The following TLK1 variants were observed in gnomAD, a reference collection of about 807,000 sequenced individuals.
The protein encoded by TLK1 is tousled like kinase 1, also known as serine/threonine-protein kinase tousled-like 1.
A neutral mutation model predicts 105.3 loss-of-function variants in TLK1; 24 were observed. The observed-to-expected ratio is 0.23, with a 90% CI of 0.17 to 0.32. The LOEUF (loss-of-function observed/expected upper bound fraction) is 0.32. Among genes scored for constraint, TLK1 ranks in the 10% least tolerant of loss-of-function variants. The probability of loss-of-function intolerance (pLI) is 1.00; values close to 1 mark genes in which losing one functional copy is unlikely to be tolerated. For missense variants in TLK1, 558 were observed against 910.5 expected (o/e 0.61, Z 4.98); for synonymous variants, 321 against 310.4 (o/e 1.03, Z -0.36).
At chr2:171,015,410 G>A (rs1295900075) in intron 12 of TLK1, among the ~76,000 whole-genome samples, 1 of 124,308 alleles carries the variant, frequency 8.0e-6, no homozygotes, top group Non-Finnish European at 1.6e-5. Flanking sequence ...AGCATTTGGA[G>A]TACAAACACA....
At chr2:171,046,424 G>A in intron 10 of TLK1, 62 bp from the exon 11 acceptor site, 4 of 1,452,732 alleles carry the variant, frequency 2.8e-6, no homozygotes, top group Non-Finnish European at 2.7e-6. Flanking sequence ...GGCTAAACTT[G>A]GAAAAAATGC....
intron 2 of TLK1, among the ~76,000 whole-genome samples, chr2:171,105,894 A>G (rs1689903604): frequency 1.3e-5 from 2 of 152,188 alleles, no homozygotes; most frequent in Middle Eastern, 3.2e-3. Context: ...TGCTGAAGAG[A>G]TATCTGCATT....
intron 12 of TLK1, among the ~76,000 whole-genome samples, chr2:171,018,760 A>C (rs949897170): frequency 9.2e-5 from 14 of 152,230 alleles, no homozygotes; most frequent in African/African-American, 3.4e-4. Flanking sequence ...CTAGCTGAGC[A>C]GTTAATGAAA....
intron 3 of TLK1, 105 bp downstream of exon 3, chr2:171,082,676 G>C (rs947061753): frequency 1.1e-5 from 10 of 910,652 alleles, no homozygotes; most frequent in Non-Finnish European, 1.4e-5. Context: ...AACTTTAAAA[G>C]CATTAACCTT....
At chr2:171,196,098 A>G (rs1693269819) in intron 1 of TLK1, among the ~76,000 whole-genome samples, 1 of 147,018 alleles carries the variant, frequency 6.8e-6, no homozygotes. Context: ...GAAGGAAGGA[A>G]GGAAGGGAGG....
intron 1 of TLK1, among the ~76,000 whole-genome samples, chr2:171,209,550 A>T (rs1018120247): frequency 1.3e-5 from 2 of 152,222 alleles, no homozygotes; most frequent in Non-Finnish European, 2.9e-5. Context: ...TAGTTTACAA[A>T]ATCTGACGCA....
intron 18 of TLK1, among the ~76,000 whole-genome samples, chr2:171,002,760 TGTGTAGCTGG>T (rs1684443910): frequency 6.6e-6 from 1 of 152,078 alleles, no homozygotes. Flanking sequence ...CTCAGCCTCC[TGTGTAGCTGG>T]GATTACAGGT....
chr2:171,154,165 G>A (rs557046379), intron 1 of TLK1, among the ~76,000 whole-genome samples: 2 of 151,880 alleles, frequency 1.3e-5, no homozygotes, highest in South Asian at 4.2e-4. Context: ...GGGATTACAG[G>A]CCTGAGACAT....
intron 2 of TLK1, chr2:171,091,785 C>T (rs542457734): frequency 1.3e-5 from 2 of 152,312 alleles, no homozygotes; most frequent in East Asian, 1.9e-4. Flanking sequence ...CACTCTGTCT[C>T]CCAGGCTGGA....
intron 1 of TLK1, among the ~76,000 whole-genome samples, chr2:171,226,768 T>C (rs184040465): frequency 2.4e-4 from 37 of 152,322 alleles, no homozygotes; most frequent in Non-Finnish European, 2.1e-4. Flanking sequence ...TCCTTTGTTA[T>C]AATAGGATGG....
intron 8 of TLK1, 21 bp downstream of exon 8, chr2:171,053,740 C>A: frequency 6.5e-7 from 1 of 1,530,076 alleles, no homozygotes; most frequent in South Asian, 1.2e-5. Flanking sequence ...ATTTTTTTCC[C>A]CTCTATGACT....
At chr2:171,104,641 T>C (rs1358404526) in intron 2 of TLK1, among the ~76,000 whole-genome samples, 6 of 152,172 alleles carry the variant, frequency 3.9e-5, no homozygotes, top group Admixed American at 1.3e-4. Flanking sequence ...ATCACACTAC[T>C]GGACTTCAAA....
intron 2 of TLK1, among the ~76,000 whole-genome samples, chr2:171,085,631 A>G (rs1688940364): frequency 6.6e-6 from 1 of 152,174 alleles, no homozygotes; most frequent in South Asian, 2.1e-4. Context: ...TATTCAGTAA[A>G]ATCCATTTTA....
chr2:170,999,953 G>A (rs923654868), intron 18 of TLK1, among the ~76,000 whole-genome samples: 1 of 151,964 alleles, frequency 6.6e-6, no homozygotes, highest in Non-Finnish European at 1.5e-5. Flanking sequence ...TACAGACAGG[G>A]TCTTGCTATG....
intron 11 of TLK1, among the ~76,000 whole-genome samples, chr2:171,043,592 T>G (rs140725631): frequency 6.6e-6 from 1 of 151,954 alleles, no homozygotes; most frequent in Non-Finnish European, 1.5e-5. Flanking sequence ...AGGGAGAGAT[T>G]ATAAACATCA....
chr2:171,044,496 T>A lies in TLK1; in HGVS notation c.1169+1678A>T, dbSNP rs111729945. Among the ~76,000 whole-genome samples the A allele has an allele frequency of 3.6e-3, 551 of 152,284 alleles. 6 individuals carry two copies. The highest frequency in any genetic ancestry group is 0.012 in the African/African-American group (508 of 41,560). ...TGCATTAGAAGTTCCTGTGAGACAT[T>A]TAAGTACTGATAGCAACTAAGCAGG... is the stretch of plus-strand genomic sequence containing the variant. On this transcript the variant is annotated intron_variant, in intron 11 of 20. Transcript: ENST00000431350.
At chr2:171,101,678 G>A (rs1689700470) in intron 2 of TLK1, among the ~76,000 whole-genome samples, 1 of 152,120 alleles carries the variant, frequency 6.6e-6, no homozygotes, top group Non-Finnish European at 1.5e-5. Context: ...CATTAGTGGA[G>A]GGAAATCAGA....
chr2:171,152,195 T>G (rs1408706468), intron 1 of TLK1, among the ~76,000 whole-genome samples: 4 of 152,210 alleles, frequency 2.6e-5, no homozygotes, highest in Non-Finnish European at 5.9e-5. Flanking sequence ...TATAACCAAT[T>G]CTTAACAATC....
At chr2:171,221,137 G>T (rs1202503961) in intron 1 of TLK1, among the ~76,000 whole-genome samples, 1 of 152,180 alleles carries the variant, frequency 6.6e-6, no homozygotes, top group Non-Finnish European at 1.5e-5. Context: ...TCTGGGAGCA[G>T]AGAGCACATT....
Sources: gnomAD v4.1 joint callset for allele counts (sites outside exome capture counted in the v4.1 genomes callset) on GRCh38, gnomAD v4.1.1 for gene constraint, MANE v1.5 for transcripts, NCBI Gene and HGNC (gene_info 2026-07-23, HGNC 2026-07-21) for gene names.